RP1: variants seen among roughly 807,000 people sequenced by gnomAD.
The protein encoded by RP1 is oxygen-regulated protein 1.
A neutral mutation model predicts 14.8 loss-of-function variants in RP1; 16 were observed. The ratio of observed to expected loss-of-function variants is 1.08; its 90% CI spans 0.73 to 1.65. RP1 has a LOEUF of 1.65. Ranked by LOEUF, RP1 falls within the 40% of genes most tolerant of loss-of-function variation. The pLI is 0.00. For synonymous variants in RP1, 876 were observed against 883.6 expected, an observed-to-expected ratio of 0.99 and a Z score of 0.15; for missense variants, 2,631 against 2,535.0, an observed-to-expected ratio of 1.04 and a Z score of -0.81.
intron 15 of RP1, among the ~76,000 whole-genome samples, chr8:54,717,980 T>G (rs1032745743): frequency 6.6e-6 from 1 of 152,042 alleles, no homozygotes; most frequent in African/African-American, 2.4e-5. Flanking sequence ...AAAACATAAT[T>G]CCAGTTATAT....
At chr8:54,731,582 CATTATAG>C (rs1808795379) in intron 17 of RP1, among the ~76,000 whole-genome samples, 1 of 152,048 alleles carries the variant, frequency 6.6e-6, no homozygotes, top group Non-Finnish European at 1.5e-5. Flanking sequence ...CATCATTCTG[CATTATAG>C]ATTATATCAT....
In RP1 at chr8:54,741,707, GTATATATATATATATATATATA is replaced by G. The variant is rs372225314; in HGVS notation, c.2808+2700_2808+2721del. On this transcript the variant is annotated intron_variant, in intron 19 of 22. Coordinates refer to the RP1 transcript ENST00000636932. ...TGTACATATAAATACAAATGTGTGT[GTATATATATATATATATATATA>G]TATATATATATATATATATATGTTT... Among the ~76,000 whole-genome samples, 103 of 58,038 alleles carry G rather than the reference GTATATATATATATATATATATA, an allele frequency of 1.8e-3. 2 individuals are homozygous for G. Among genetic ancestry groups the G allele is most frequent in the Admixed American group, 9.2e-3 (48 of 5,210 alleles). The allele number at this position is 58,038 out of a possible 152,430, so 38.1% of individuals were successfully genotyped here. A position where few individuals can be genotyped will look rare whatever the true frequency, so the allele number is the denominator to read the frequency against.
chr8:54,781,182 C>A lies in RP1; in HGVS notation c.3452-2365C>A, dbSNP rs1400398527. The stretch of plus-strand genomic sequence containing the variant: ...AAGCTTGGAAAAGAGAATGAAAGGG[C>A]ACAGCCTGAGTTAGATTGTCAGTAA... On this transcript the variant is annotated intron_variant, in intron 23 of 28. Coordinates refer to the RP1 transcript ENST00000637698. 4.0e-5 allele frequency: 12 copies of A among 299,618 alleles called. No individual in the cohort carries two copies. The South Asian group carries it at 1.3e-3, about 33-fold the overall frequency. 18.6% of individuals were successfully genotyped at this position (299,618 alleles called of 1,614,324 possible). A position where few individuals can be genotyped will look rare whatever the true frequency, so the allele number is the denominator to read the frequency against.
chr8:54,861,611 CT>C (rs919811387), intron 27 of RP1, among the ~76,000 whole-genome samples: 76 of 150,884 alleles, frequency 5.0e-4, no homozygotes, highest in African/African-American at 9.0e-4. Context: ...CTTTTCTTTT[CT>C]TTTTTTTTGA....
At chr8:54,737,134 G>A (rs1288548476) in intron 18 of RP1, among the ~76,000 whole-genome samples, 1 of 152,066 alleles carries the variant, frequency 6.6e-6, no homozygotes, top group Non-Finnish European at 1.5e-5. Flanking sequence ...TTTACTTTTG[G>A]AACTTTCTGT....
chr8:54,597,200 T>G (rs1262527551), intron 1 of RP1, among the ~76,000 whole-genome samples: 1 of 152,206 alleles, frequency 6.6e-6, no homozygotes, highest in Non-Finnish European at 1.5e-5. Flanking sequence ...GAGCCTTCAT[T>G]ATTTACTAAT....
Position 54,626,959 on chromosome 8 carries a change from T to C in RP1, c.3077T>C (p.Leu1026Ser). ...GTTCCCCTGCATGAACACTGTACTT[T>C]GTCACAGTCAGCTATTAATGATCAT... ...YLVPLHEHCT[L>S]SQSAINDHNT... The change falls in exon 4 of 4, where the codon TTG (leucine) becomes TCG (serine). Residue 1026 changes from leucine (L) to serine (S), a missense_variant. Transcript: ENST00000220676. 6.2e-7 allele frequency: 1 copy of C among 1,613,986 alleles called. No homozygotes were observed. Among genetic ancestry groups the C allele is most frequent in the Non-Finnish European group, 8.5e-7 (1 of 1,179,962 alleles).
intron 7 of RP1, among the ~76,000 whole-genome samples, chr8:54,670,517 G>GTGTATATATATACATATA (rs1807134754): frequency 4.0e-5 from 1 of 24,884 alleles, no homozygotes; most frequent in African/African-American, 8.9e-5. Flanking sequence ...ACATATATAT[G>GTGTATATATATACATATA]TATGTGTATA....
intron 1 of RP1, among the ~76,000 whole-genome samples, chr8:54,606,520 C>G (rs1421991506): frequency 6.6e-6 from 1 of 152,062 alleles, no homozygotes; most frequent in Non-Finnish European, 1.5e-5. Flanking sequence ...AATTATGTGT[C>G]TTGGAGTTGC....
intron 1 of RP1, among the ~76,000 whole-genome samples, chr8:54,599,540 CCT>C (rs1441417264): frequency 1.3e-5 from 2 of 151,954 alleles, no homozygotes; most frequent in Non-Finnish European, 2.9e-5. Flanking sequence ...CTCACTGCAA[CCT>C]CTGTCTCCTG....
exon 24 of RP1, chr8:54,783,558 A>C (rs976495936): frequency 2.4e-6 from 3 of 1,230,980 alleles, no homozygotes; most frequent in Admixed American, 4.2e-5. Context: ...TGGAGACTGG[A>C]AGGTGACCAT....
intron 1 of RP1, among the ~76,000 whole-genome samples, chr8:54,616,927 A>G (rs6473949): frequency 3.3e-5 from 5 of 152,170 alleles, no homozygotes; most frequent in Admixed American, 2.6e-4. Context: ...GTGGGGTTTG[A>G]TTGAAACTAA....
chr8:54,661,262 T>TATATAAATGATATATATG (rs1554522255), intron 6 of RP1, among the ~76,000 whole-genome samples: 35 of 37,696 alleles, frequency 9.3e-4, no homozygotes, highest in Non-Finnish European at 1.5e-3. Flanking sequence ...ATATAAATGA[T>TATATAAATGATATATATG]ATATATAAAT....
At chr8:54,770,256 T>C (rs1809868827), downstream of RP1, 1 of 398,284 alleles carries the variant, frequency 2.5e-6, no homozygotes, top group Admixed American at 4.4e-5. Context: ...TTTTTTATAG[T>C]ACATTCTTAT....
chr8:54,587,434 A>G (rs1804957447), intron 1 of RP1, among the ~76,000 whole-genome samples: 1 of 151,932 alleles, frequency 6.6e-6, no homozygotes, highest in African/African-American at 2.4e-5. Context: ...TCAAAAAAAA[A>G]AAAAAAAAAG....
intron 24 of RP1, among the ~76,000 whole-genome samples, chr8:54,829,196 C>G (rs1435571962): frequency 6.6e-6 from 1 of 152,112 alleles, no homozygotes; most frequent in African/African-American, 2.4e-5. Context: ...TTATGCAGTG[C>G]ATGACTATAT....
intron 4 of RP1, chr8:54,652,722 T>A (rs1806680362): frequency 1.7e-6 from 2 of 1,154,162 alleles, no homozygotes; most frequent in Non-Finnish European, 2.5e-6. Flanking sequence ...TAATCTGAGC[T>A]GTTTTTAAGT....
At chr8:54,727,746 C>T (rs1808693107) in intron 17 of RP1, among the ~76,000 whole-genome samples, 1 of 151,878 alleles carries the variant, frequency 6.6e-6, no homozygotes, top group South Asian at 2.1e-4. Context: ...CAGACTTGGT[C>T]TCTACCCTCT....
chr8:54,636,041 C>T (rs1173505393), intron 3 of RP1, among the ~76,000 whole-genome samples: 2 of 152,198 alleles, frequency 1.3e-5, no homozygotes, highest in Admixed American at 6.5e-5. Flanking sequence ...CTGTTGGCAC[C>T]CCTAACCTTT....
Sources: gnomAD v4.1 joint callset for allele counts (sites outside exome capture counted in the v4.1 genomes callset) on GRCh38, gnomAD v4.1.1 for gene constraint, MANE v1.5 for transcripts, NCBI Gene and HGNC (gene_info 2026-07-23, HGNC 2026-07-21) for gene names.